ATP2B3: variants seen among roughly 807,000 people sequenced by gnomAD.
ATP2B3 encodes the protein ATPase plasma membrane Ca2+ transporting 3, also known as plasma membrane calcium-transporting ATPase 3.
In ATP2B3, 12 loss-of-function variants were observed where a neutral mutation model predicts 70.8. The observed-to-expected ratio is 0.17, with a 90% CI of 0.11 to 0.27. The LOEUF is 0.27. Ranked by LOEUF, ATP2B3 falls within the 10% of genes least tolerant of loss-of-function variation. The pLI, the probability that ATP2B3 is intolerant of heterozygous loss-of-function variation, is 1.00. For synonymous variants in ATP2B3, 460 were observed against 497.8 expected (o/e 0.92, Z 1.01); for missense variants, 858 against 1,118.5 (o/e 0.77, Z 3.32).
intron 2 of ATP2B3, among the ~76,000 whole-genome samples, chrX:153,531,092 G>A (rs782319228): frequency 1.8e-5 from 2 of 112,963 alleles, no homozygotes; most frequent in South Asian, 3.6e-4. Context: ...GGCAGGGGCG[G>A]GCAGGAAGGA....
chrX:153,560,957 C>T (rs782492446), intron 19 of ATP2B3, 70 bp downstream of exon 19: 52 of 1,138,964 alleles, frequency 4.6e-5, no homozygotes, highest in Non-Finnish European at 5.7e-5. Flanking sequence ...TTCAAGACCC[C>T]TCGTCCACCC....
At chrX:153,546,159 A>T in intron 8 of ATP2B3, 30 bp downstream of exon 8, 1 of 1,208,527 alleles carries the variant, frequency 8.3e-7, no homozygotes. Context: ...GGGCACAACA[A>T]GCTTGGAGCC....
At chrX:153,531,090 C>T (rs944653913) in intron 2 of ATP2B3, among the ~76,000 whole-genome samples, 10 of 112,665 alleles carry the variant, frequency 8.9e-5, no homozygotes, top group Non-Finnish European at 1.5e-4. Context: ...GGGGCAGGGG[C>T]GGGCAGGAAG....
At chrX:153,524,694 C>T (rs1444741254) in intron 2 of ATP2B3, among the ~76,000 whole-genome samples, 1 of 111,438 alleles carries the variant, frequency 9.0e-6, no homozygotes, top group African/African-American at 3.3e-5. Flanking sequence ...GTGCTGGCTG[C>T]CTGTCCTGAC....
chrX:153,530,596 G>C (rs782740920), intron 2 of ATP2B3, among the ~76,000 whole-genome samples: 24 of 112,367 alleles, frequency 2.1e-4, no homozygotes, highest in African/African-American at 7.7e-4. Flanking sequence ...GGTTGCTTTG[G>C]CTTTGCACGC....
In ATP2B3 at chrX:153,550,185, C is replaced by T. The variant is rs2090435240; in HGVS notation, c.1722C>T (p.Tyr574=). 2.5e-6 allele frequency: 3 copies of T among 1,211,503 alleles called. No homozygotes were observed. The highest frequency in any genetic ancestry group is 3.5e-5 in the African/African-American group (2 of 57,642). ...CGGAAGACAAGCTTTACAAAGTGTA[C>T]ACCTTCAACTCGGTCCGCAAGTCCA... ...QIPEDKLYKV[Y]TFNSVRKSMS... The change falls in exon 12 of 22, where the codon TAC becomes TAT. Residue 574 remains tyrosine, a synonymous_variant. Transcript: ENST00000263519.
chrX:153,567,840 A>G (rs113633209), intron 21 of ATP2B3, among the ~76,000 whole-genome samples: 1 of 112,338 alleles, frequency 8.9e-6, no homozygotes, highest in African/African-American at 3.2e-5. Flanking sequence ...ACTTTGTCAC[A>G]TCCAACTCAC....
chrX:153,538,112 G>T (rs1043907294), intron 3 of ATP2B3, among the ~76,000 whole-genome samples: 11 of 112,978 alleles, frequency 9.7e-5, no homozygotes, highest in African/African-American at 3.5e-4. Context: ...GAGCTGTCGG[G>T]CTTGAGCTGT....
At chrX:153,538,813 C>T (rs2090234287) in intron 3 of ATP2B3, among the ~76,000 whole-genome samples, 1 of 112,959 alleles carries the variant, frequency 8.9e-6, no homozygotes, top group Non-Finnish European at 1.9e-5. Flanking sequence ...GTGGGGCAGC[C>T]GTCGGGACCC....
chrX:153,553,886 A>G (rs982346319), intron 13 of ATP2B3, among the ~76,000 whole-genome samples: 1 of 113,161 alleles, frequency 8.8e-6, no homozygotes, highest in African/African-American at 3.2e-5. Context: ...AATGCAAGGC[A>G]TGGGGTGCCC....
chrX:153,518,976 A>T (rs782319600), intron 2 of ATP2B3, among the ~76,000 whole-genome samples: 10 of 110,980 alleles, frequency 9.0e-5, no homozygotes, highest in Admixed American at 2.8e-4. Context: ...ACGTCAGCCG[A>T]CTTCCCCTGG....
chrX:153,574,667 CT>C (rs2090832655), intron 21 of ATP2B3: 3 of 271,195 alleles, frequency 1.1e-5, no homozygotes, highest in African/African-American at 5.6e-5. Flanking sequence ...CCTTTTTCTA[CT>C]CTTCTCGGTC....
At chrX:153,564,735 G>A (rs1476760880) in intron 20 of ATP2B3, among the ~76,000 whole-genome samples, 186 bp from the exon 21 acceptor site, 4 of 113,367 alleles carry the variant, frequency 3.5e-5, no homozygotes, top group East Asian at 2.8e-4. Flanking sequence ...GGAACACTAC[G>A]CCAGTTCTCC....
intron 21 of ATP2B3, among the ~76,000 whole-genome samples, chrX:153,578,020 G>T (rs1023955543): frequency 9.8e-5 from 11 of 111,955 alleles, no homozygotes; most frequent in African/African-American, 3.2e-4. Context: ...AGGGCTGAAA[G>T]AAAGTCACCG....
intron 21 of ATP2B3, among the ~76,000 whole-genome samples, chrX:153,567,630 G>A (rs1230923449): frequency 8.9e-6 from 1 of 112,784 alleles, no homozygotes; most frequent in Admixed American, 9.3e-5. Context: ...TGTGGGGGCC[G>A]CTGCAGCCTG....
intron 2 of ATP2B3, among the ~76,000 whole-genome samples, chrX:153,533,718 G>A: frequency 9.0e-6 from 1 of 111,643 alleles, no homozygotes. Context: ...ATGGCAGAGG[G>A]GAGGACTGCC....
intron 3 of ATP2B3, among the ~76,000 whole-genome samples, chrX:153,538,064 G>A (rs192985345): frequency 6.6e-4 from 74 of 112,905 alleles, no homozygotes; most frequent in Non-Finnish European, 7.1e-4. Context: ...GCAGAGGACC[G>A]GCCCCTCCCC....
chrX:153,573,791 G>C (rs181654163), intron 21 of ATP2B3, among the ~76,000 whole-genome samples: 1 of 112,508 alleles, frequency 8.9e-6, no homozygotes, highest in Non-Finnish European at 1.9e-5. Flanking sequence ...CCGACCACCC[G>C]ACACTGACTC....
Position 153,541,755 on chromosome X carries a change from A to T in ATP2B3, c.493A>T (p.Ile165Phe). The change falls in exon 5 of 22, where the codon ATC (isoleucine) becomes TTC (phenylalanine). Residue 165 changes from isoleucine (I) to phenylalanine (F), a missense_variant. Ile to Phe is a conservative substitution (Grantham distance 21, BLOSUM62 0). Around this residue, in one of 5 missense-constraint regions of ATP2B3, gnomAD observed 278 missense variants for 366.2 expected, o/e 0.76. Transcript: ENST00000263519. ...IEGAAILLSVICVVLVTAFND... is the reference protein window; with the variant it reads ...IEGAAILLSVFCVVLVTAFND... ...GGGGGCTGCCATCCTGCTGTCCGTC[A>T]TCTGTGTGGTGCTGGTCACGGCCTT... The T allele has an allele frequency of 2.5e-6, 3 of 1,211,790 alleles. No homozygotes were observed. The highest frequency in any genetic ancestry group is 2.2e-6 in the Non-Finnish European group (2 of 895,565).
Sources: gnomAD v4.1 joint callset for allele counts (sites outside exome capture counted in the v4.1 genomes callset) on GRCh38, gnomAD v4.1.1 for gene constraint, gnomAD v4.1.1 regional missense constraint, MANE v1.5 for transcripts, NCBI Gene and HGNC (gene_info 2026-07-23, HGNC 2026-07-21) for gene names.